ZDHHC9: variants seen among roughly 807,000 people sequenced by gnomAD.
ZDHHC9 encodes the protein zDHHC palmitoyltransferase 9.
Under a neutral mutation model 26.6 loss-of-function variants are expected in ZDHHC9, and 3 were observed. The ratio of observed to expected loss-of-function variants is 0.11; its 90% CI spans 0.05 to 0.29. The LOEUF (loss-of-function observed/expected upper bound fraction) is 0.29, where lower values mean the gene tolerates loss of function less well. Among genes scored for constraint, ZDHHC9 ranks in the 10% least tolerant of loss-of-function variants. The pLI, the probability that ZDHHC9 is intolerant of heterozygous loss-of-function variation, is 1.00. For missense variants in ZDHHC9, 146 were observed against 296.4 expected (o/e 0.49, Z 3.73); for synonymous variants, 111 against 109.4 (o/e 1.01, Z -0.09).
At chrX:129,843,386 C>CGGAGGCA (rs1464995520) in intron 1 of ZDHHC9, 60 bp from the exon 2 acceptor site, 1 of 111,888 alleles carries the variant, frequency 8.9e-6, no homozygotes, top group Non-Finnish European at 1.9e-5. Context: ...AGCGGGGGGC[C>CGGAGGCA]GGAGGCCGGA....
intron 3 of ZDHHC9, among the ~76,000 whole-genome samples, chrX:129,829,419 G>A: frequency 9.0e-6 from 1 of 111,643 alleles, no homozygotes; most frequent in East Asian, 2.8e-4. Flanking sequence ...AACCCACTGG[G>A]AGCTACATTT....
intron 10 of ZDHHC9, among the ~76,000 whole-genome samples, chrX:129,806,889 A>G (rs1927528327): frequency 8.9e-6 from 1 of 111,839 alleles, no homozygotes; most frequent in South Asian, 3.7e-4. Context: ...GAACCAAAGA[A>G]GGCCAAGTGT....
intron 9 of ZDHHC9, 151 bp downstream of exon 9, chrX:129,811,255 G>A (rs1927633256): frequency 5.9e-6 from 3 of 510,760 alleles, no homozygotes; most frequent in Admixed American, 6.6e-5. Context: ...ATGGTCTATG[G>A]TCCATGTAGA....
intron 3 of ZDHHC9, among the ~76,000 whole-genome samples, chrX:129,831,971 C>T (rs1026149676): frequency 9.1e-6 from 1 of 110,179 alleles, no homozygotes; most frequent in Admixed American, 9.7e-5. Context: ...GCCCAACATG[C>T]GGACTATGGT....
intron 3 of ZDHHC9, among the ~76,000 whole-genome samples, chrX:129,833,053 G>A (rs1294260753): frequency 3.6e-5 from 4 of 109,960 alleles, no homozygotes; most frequent in African/African-American, 1.3e-4. Context: ...TCACTCCATG[G>A]AATAATAATA....
intron 5 of ZDHHC9, 103 bp downstream of exon 5, chrX:129,823,576 C>T: frequency 1.0e-6 from 1 of 989,787 alleles, no homozygotes. Flanking sequence ...TAGTTCATTT[C>T]TCATCTAAAT....
At chrX:129,827,025 C>G (rs1298096773) in intron 4 of ZDHHC9, among the ~76,000 whole-genome samples, 1 of 110,159 alleles carries the variant, frequency 9.1e-6, no homozygotes, top group East Asian at 2.8e-4. Flanking sequence ...GAAACACCGT[C>G]TCTACTAAAA....
intron 5 of ZDHHC9, among the ~76,000 whole-genome samples, chrX:129,815,237 A>T (rs1248864089): frequency 8.9e-6 from 1 of 112,244 alleles, no homozygotes; most frequent in Non-Finnish European, 1.9e-5. Context: ...AGAGCCCAGA[A>T]ACAGATCTTA....
chrX:129,827,102 G>A (rs1465355739), intron 4 of ZDHHC9, among the ~76,000 whole-genome samples: 9 of 110,165 alleles, frequency 8.2e-5, no homozygotes, highest in East Asian at 2.8e-4. Context: ...GCTGAGGCAC[G>A]AGAATCACTT....
At chrX:129,808,845 T>A (rs1927575088) in intron 10 of ZDHHC9, among the ~76,000 whole-genome samples, 1 of 112,005 alleles carries the variant, frequency 8.9e-6, no homozygotes, top group Non-Finnish European at 1.9e-5. Flanking sequence ...ACAGATTACA[T>A]AAAGAACTCT....
intron 10 of ZDHHC9, among the ~76,000 whole-genome samples, chrX:129,809,915 G>C (rs767669853): frequency 3.8e-4 from 40 of 106,513 alleles, no homozygotes; most frequent in African/African-American, 1.4e-3. Flanking sequence ...GGAGAACCCG[G>C]GAGGCGGAGG....
At chrX:129,817,507 C>T (rs1242633361) in intron 5 of ZDHHC9, among the ~76,000 whole-genome samples, 1 of 111,277 alleles carries the variant, frequency 9.0e-6, no homozygotes, top group Non-Finnish European at 1.9e-5. Flanking sequence ...CCATTTTAAC[C>T]ATTTTAAGTG....
At chrX:129,832,810 A>AATAAATAAATAC (rs1322848585) in intron 3 of ZDHHC9, among the ~76,000 whole-genome samples, 17 of 107,296 alleles carry the variant, frequency 1.6e-4, no homozygotes, top group African/African-American at 5.1e-4. Context: ...TAAATAAATA[A>AATAAATAAATAC]ATACATAAGC....
intron 5 of ZDHHC9, among the ~76,000 whole-genome samples, chrX:129,816,294 C>T (rs1172004255): frequency 1.8e-5 from 2 of 111,562 alleles, no homozygotes; most frequent in Non-Finnish European, 3.8e-5. Context: ...CACAGGGCCA[C>T]TGCAGGACTT....
intron 5 of ZDHHC9, among the ~76,000 whole-genome samples, chrX:129,819,987 A>G (rs1927846436): frequency 9.0e-6 from 1 of 111,072 alleles, no homozygotes; most frequent in Non-Finnish European, 1.9e-5. Context: ...GTGAGCCACC[A>G]CACCCGGCTC....
At chrX:129,809,725 G>A (rs1048936509) in intron 10 of ZDHHC9, among the ~76,000 whole-genome samples, 10 of 112,024 alleles carry the variant, frequency 8.9e-5, no homozygotes, top group Non-Finnish European at 1.3e-4. Flanking sequence ...TCAGTTGGGC[G>A]CAGTGGCTCA....
intron 4 of ZDHHC9, among the ~76,000 whole-genome samples, chrX:129,827,638 C>A (rs1928048135): frequency 9.1e-6 from 1 of 110,358 alleles, no homozygotes; most frequent in Non-Finnish European, 1.9e-5. Context: ...CACCCTGGCT[C>A]CTAGATAATG....
At chrX:129,813,749 G>C (rs1256874200) in intron 6 of ZDHHC9, 24 bp from the exon 7 acceptor site, 1 of 1,195,430 alleles carries the variant, frequency 8.4e-7, no homozygotes, top group East Asian at 3.0e-5. Flanking sequence ...TGGAAGAGTA[G>C]AGAGAAAAAT....
chrX:129,841,664 G>T, intron 3 of ZDHHC9, 115 bp downstream of exon 3: 5 of 915,215 alleles, frequency 5.5e-6, no homozygotes, highest in Non-Finnish European at 7.9e-6. Context: ...TACAGACATC[G>T]CTCAAGAGGA....
Sources: gnomAD v4.1 joint callset for allele counts (sites outside exome capture counted in the v4.1 genomes callset) on GRCh38, gnomAD v4.1.1 for gene constraint, MANE v1.5 for transcripts, NCBI Gene and HGNC (gene_info 2026-07-23, HGNC 2026-07-21) for gene names.